The following PTPRD variants were observed in gnomAD, a reference collection of about 807,000 sequenced individuals.
PTPRD encodes the protein receptor-type tyrosine-protein phosphatase delta.
A neutral mutation model predicts 214.5 loss-of-function variants in PTPRD; 34 were observed. The ratio of observed to expected loss-of-function variants is 0.16; its 90% CI spans 0.12 to 0.21. The LOEUF (loss-of-function observed/expected upper bound fraction) is 0.21, where lower values mean the gene tolerates loss of function less well. PTPRD is among the 10% of genes least tolerant of loss of function. PTPRD has a pLI of 1.00. For synonymous variants in PTPRD, 1,128 were observed against 845.7 expected (o/e 1.33, Z -5.79); for missense variants, 2,545 against 2,398.7 (o/e 1.06, Z -1.27).
chr9:8,398,258 A>G (rs1349078024), intron 36 of PTPRD, among the ~76,000 whole-genome samples: 1 of 152,032 alleles, frequency 6.6e-6, no homozygotes, highest in Admixed American at 6.6e-5. Context: ...TCCTCCTAGT[A>G]ATTGTAGGAA....
chr9:9,171,571 A>T (rs2099918160), intron 10 of PTPRD, among the ~76,000 whole-genome samples: 2 of 152,018 alleles, frequency 1.3e-5, no homozygotes, highest in Admixed American at 1.3e-4. Context: ...GGAGGAAACA[A>T]TCATGAATAC....
chr9:8,822,815 C>G (rs530584373), intron 11 of PTPRD, among the ~76,000 whole-genome samples: 1 of 152,110 alleles, frequency 6.6e-6, no homozygotes, highest in Non-Finnish European at 1.5e-5. Flanking sequence ...CAACCCCCTC[C>G]CATCCCCCAA....
intron 3 of PTPRD, among the ~76,000 whole-genome samples, chr9:10,102,068 T>G (rs1487328499): frequency 2.6e-5 from 4 of 151,754 alleles, no homozygotes; most frequent in Non-Finnish European, 1.5e-5. Flanking sequence ...TATGTTAAAT[T>G]TTTACCCATT....
At chr9:8,509,903 T>C (rs959103372) in intron 21 of PTPRD, among the ~76,000 whole-genome samples, 2 of 152,184 alleles carry the variant, frequency 1.3e-5, no homozygotes, top group African/African-American at 4.8e-5. Context: ...AGTGTCTTCA[T>C]CTAATGTACA....
intron 7 of PTPRD, among the ~76,000 whole-genome samples, chr9:9,648,559 T>A (rs2096255127): frequency 1.3e-5 from 2 of 152,222 alleles, no homozygotes; most frequent in South Asian, 4.1e-4. Context: ...TATTTGATGA[T>A]CACTACAGAC....
chr9:8,376,156 G>A (rs114362826), intron 38 of PTPRD, 66 bp from the exon 39 acceptor site: 2 of 1,570,382 alleles, frequency 1.3e-6, no homozygotes, highest in Non-Finnish European at 1.7e-6. Context: ...ATGAATAACA[G>A]GGAAGAGGTA....
At chr9:9,557,616 G>A (rs2081864806) in intron 8 of PTPRD, among the ~76,000 whole-genome samples, 1 of 152,174 alleles carries the variant, frequency 6.6e-6, no homozygotes, top group African/African-American at 2.4e-5. Context: ...CATTCTTTCT[G>A]AAGACTGCTA....
intron 2 of PTPRD, among the ~76,000 whole-genome samples, chr9:10,449,843 T>C (rs980949794): frequency 6.6e-6 from 1 of 151,816 alleles, no homozygotes; most frequent in Non-Finnish European, 1.5e-5. Context: ...AGATTGTTAC[T>C]GTGTCTGTAT....
intron 10 of PTPRD, among the ~76,000 whole-genome samples, chr9:9,170,701 T>C (rs894029621): frequency 2.0e-5 from 3 of 152,168 alleles, no homozygotes. Flanking sequence ...GAAAAGATGA[T>C]TTGACAAAAA....
Position 9,838,037 on chromosome 9 carries a change from C to T in PTPRD, c.-367-71186G>A, listed in dbSNP as rs188075020. On this transcript the variant is annotated intron_variant, in intron 5 of 45. Transcript: ENST00000381196. ...CACGGTGTTTGGTTTTGTGTCCTTG[C>T]GATAGTTTACTGAGAATGATGATTT... Among the ~76,000 whole-genome samples, 130 of 152,108 alleles carry T rather than the reference C, an allele frequency of 8.5e-4. 1 individual carries two copies. The highest frequency in any genetic ancestry group is 2.9e-4 in the Non-Finnish European group (20 of 67,990).
At chr9:10,442,489 C>A (rs1187243755) in intron 2 of PTPRD, among the ~76,000 whole-genome samples, 4 of 151,598 alleles carry the variant, frequency 2.6e-5, no homozygotes, top group African/African-American at 9.7e-5. Flanking sequence ...GGCAATCCAA[C>A]AGATTCTGAA....
chr9:8,861,113 C>G (rs546806175), intron 11 of PTPRD: 1 of 151,836 alleles, frequency 6.6e-6, no homozygotes, highest in East Asian at 1.9e-4. Flanking sequence ...ATTCAGCATA[C>G]GATGAGTATG....
intron 10 of PTPRD, among the ~76,000 whole-genome samples, chr9:9,111,766 C>T (rs561958474): frequency 3.2e-4 from 49 of 151,976 alleles, no homozygotes; most frequent in Middle Eastern, 3.4e-3. Context: ...TTTGTGGAGA[C>T]GCTTGAGGAA....
intron 2 of PTPRD, among the ~76,000 whole-genome samples, chr9:10,342,214 C>T (rs578111280): frequency 5.3e-5 from 8 of 152,110 alleles, no homozygotes; most frequent in South Asian, 4.1e-4. Flanking sequence ...ATCATGAGTG[C>T]GCCCTTGATA....
At chr9:9,643,492 A>G (rs1241039460) in intron 7 of PTPRD, among the ~76,000 whole-genome samples, 1 of 152,164 alleles carries the variant, frequency 6.6e-6, no homozygotes, top group East Asian at 1.9e-4. Flanking sequence ...TGAATCCAAG[A>G]AAGTATTTTT....
chr9:8,595,108 C>A (rs893818325), intron 14 of PTPRD, among the ~76,000 whole-genome samples: 1 of 151,456 alleles, frequency 6.6e-6, no homozygotes, highest in Admixed American at 6.6e-5. Context: ...CATGATCTGC[C>A]CGCCTCGGCC....
chr9:10,380,932 T>C (rs1245045854), intron 2 of PTPRD, among the ~76,000 whole-genome samples: 1 of 151,988 alleles, frequency 6.6e-6, no homozygotes, highest in Non-Finnish European at 1.5e-5. Context: ...TGAAAATAGT[T>C]TTTCACAGGT....
At chr9:8,746,328 A>G (rs1226398573) in intron 11 of PTPRD, among the ~76,000 whole-genome samples, 1 of 152,242 alleles carries the variant, frequency 6.6e-6, no homozygotes, top group Non-Finnish European at 1.5e-5. Context: ...AGTTGGCGTT[A>G]CAAAGTGATT....
At chr9:9,916,405 A>T (rs1566276605) in intron 5 of PTPRD, among the ~76,000 whole-genome samples, 2 of 152,042 alleles carry the variant, frequency 1.3e-5, no homozygotes, top group Non-Finnish European at 2.9e-5. Context: ...AAACAACAAG[A>T]AATCAATCAA....
Sources: gnomAD v4.1 joint callset for allele counts (sites outside exome capture counted in the v4.1 genomes callset) on GRCh38, gnomAD v4.1.1 for gene constraint, MANE v1.5 for transcripts, NCBI Gene and HGNC (gene_info 2026-07-23, HGNC 2026-07-21) for gene names.